Variants in CDH13 observed in about 807,000 individuals in gnomAD.
The protein encoded by CDH13 is cadherin-13.
In CDH13, 24 loss-of-function variants were observed where a neutral mutation model predicts 63.8. The ratio of observed to expected loss-of-function variants is 0.38; its 90% CI spans 0.27 to 0.53. The LOEUF (loss-of-function observed/expected upper bound fraction) is 0.53. Among genes scored for constraint, CDH13 ranks in the 20% least tolerant of loss-of-function variants. The pLI, the probability that CDH13 is intolerant of heterozygous loss-of-function variation, is 0.85. For synonymous variants in CDH13, 503 were observed against 355.3 expected (o/e 1.42, Z -4.67); for missense variants, 1,049 against 903.1 (o/e 1.16, Z -2.07).
At chr16:83,053,519 C>T (rs1194529724) in intron 3 of CDH13, among the ~76,000 whole-genome samples, 3 of 152,036 alleles carry the variant, frequency 2.0e-5, no homozygotes, top group African/African-American at 7.2e-5. Context: ...AATTGATAAA[C>T]ACACCAATTG....
At chr16:83,475,970 G>C (rs986074256) in intron 6 of CDH13, among the ~76,000 whole-genome samples, 6 of 152,118 alleles carry the variant, frequency 3.9e-5, no homozygotes, top group African/African-American at 1.4e-4. Context: ...CCATTGTTCA[G>C]AATTAACCCA....
At chr16:83,007,464 C>T (rs1204082872) in intron 2 of CDH13, among the ~76,000 whole-genome samples, 1 of 152,184 alleles carries the variant, frequency 6.6e-6, no homozygotes, top group African/African-American at 2.4e-5. Flanking sequence ...AGCTCTGATT[C>T]CAGAGTTCTT....
chr16:82,645,605 G>GGA (rs1242529145), intron 1 of CDH13, among the ~76,000 whole-genome samples: 3 of 152,076 alleles, frequency 2.0e-5, no homozygotes, highest in Non-Finnish European at 4.4e-5. Context: ...GTGCTGAGGT[G>GGA]GAAAACTCTG....
chr16:83,393,038 A>G (rs1268673222), intron 6 of CDH13, among the ~76,000 whole-genome samples: 2 of 152,140 alleles, frequency 1.3e-5, no homozygotes, highest in African/African-American at 2.4e-5. Flanking sequence ...TAGCCCTTTC[A>G]AGGGCCAGAG....
chr16:82,914,314 C>G (rs1036804632), intron 2 of CDH13, among the ~76,000 whole-genome samples: 1 of 152,154 alleles, frequency 6.6e-6, no homozygotes, highest in Non-Finnish European at 1.5e-5. Flanking sequence ...ACTATCATAA[C>G]CCGTATAGTC....
At chr16:83,460,429 T>A (rs1300254464) in intron 6 of CDH13, among the ~76,000 whole-genome samples, 1 of 152,142 alleles carries the variant, frequency 6.6e-6, no homozygotes, top group Non-Finnish European at 1.5e-5. Flanking sequence ...ACAAGAACAC[T>A]CCTAGAAGCA....
intron 6 of CDH13, among the ~76,000 whole-genome samples, chr16:83,372,750 A>T (rs12716735): frequency 1.7e-5 from 1 of 60,512 alleles, no homozygotes; most frequent in Non-Finnish European, 3.8e-5. Context: ...GACTCGGTCT[A>T]AAAAAAAAAA....
At chr16:83,121,801 G>T (rs562635304) in intron 3 of CDH13, among the ~76,000 whole-genome samples, 23 of 152,282 alleles carry the variant, frequency 1.5e-4, no homozygotes, top group African/African-American at 5.1e-4. Flanking sequence ...CATTCATAAA[G>T]CTCTCGATAA....
chr16:83,632,890 A>G (rs1381036747), intron 8 of CDH13, among the ~76,000 whole-genome samples: 1 of 151,644 alleles, frequency 6.6e-6, no homozygotes, highest in Admixed American at 6.6e-5. Context: ...TTTCCGGGAA[A>G]GGGGTGGGCA....
At chr16:83,501,810 C>G (rs573925792) in intron 7 of CDH13, among the ~76,000 whole-genome samples, 96 of 152,332 alleles carry the variant, frequency 6.3e-4, no homozygotes, top group African/African-American at 2.0e-3. Flanking sequence ...GTCTCAAGGA[C>G]AACTTTATCT....
chr16:83,202,412 G>A (rs1401080966), intron 4 of CDH13, among the ~76,000 whole-genome samples: 1 of 152,130 alleles, frequency 6.6e-6, no homozygotes, highest in Non-Finnish European at 1.5e-5. Flanking sequence ...AAATCAATGG[G>A]GTGGGGGGCC....
intron 6 of CDH13, among the ~76,000 whole-genome samples, 169 bp downstream of exon 6, chr16:83,345,175 T>C (rs1350630165): frequency 6.6e-6 from 1 of 152,204 alleles, no homozygotes; most frequent in Admixed American, 6.5e-5. Flanking sequence ...AGTGCAAAGC[T>C]TGACCGAGGT....
At chr16:83,025,190 T>C (rs1176330174) in intron 2 of CDH13, among the ~76,000 whole-genome samples, 1 of 152,248 alleles carries the variant, frequency 6.6e-6, no homozygotes. Flanking sequence ...TGCATTATCT[T>C]GTTTACACAT....
chr16:83,658,973 A>G (rs1598427045), intron 8 of CDH13, among the ~76,000 whole-genome samples: 1 of 142,088 alleles, frequency 7.0e-6, no homozygotes, highest in South Asian at 2.4e-4. Context: ...CCTCACCAGC[A>G]AGGTCCCATG....
chr16:83,777,486 C>T (rs527618781), intron 11 of CDH13, among the ~76,000 whole-genome samples: 11 of 152,224 alleles, frequency 7.2e-5, no homozygotes, highest in African/African-American at 1.7e-4. Flanking sequence ...CTGTGAGGTG[C>T]GGGGGCTTTC....
At chr16:82,667,481 G>C (rs1243197483) in intron 1 of CDH13, among the ~76,000 whole-genome samples, 2 of 152,198 alleles carry the variant, frequency 1.3e-5, no homozygotes, top group Non-Finnish European at 2.9e-5. Context: ...GCCATATGTT[G>C]GCTCAAGGGG....
At chr16:83,411,461 G>C (rs2092124752) in intron 6 of CDH13, among the ~76,000 whole-genome samples, 1 of 152,136 alleles carries the variant, frequency 6.6e-6, no homozygotes, top group African/African-American at 2.4e-5. Context: ...TGTCTCTCTT[G>C]TTCTCAGTGA....
At chr16:83,688,512 G>C (rs780439014) in intron 10 of CDH13, among the ~76,000 whole-genome samples, 31 of 152,206 alleles carry the variant, frequency 2.0e-4, no homozygotes, top group Non-Finnish European at 3.7e-4. Flanking sequence ...GGGAAATTAA[G>C]AGAAGGCCTT....
chr16:83,567,551 A>G (rs1490710412), intron 7 of CDH13, among the ~76,000 whole-genome samples: 2 of 152,200 alleles, frequency 1.3e-5, no homozygotes, highest in Non-Finnish European at 2.9e-5. Context: ...TTAAAAAGCA[A>G]GAAATTGTCT....
Sources: allele counts gnomAD v4.1 joint callset (sites outside exome capture counted in the v4.1 genomes callset), GRCh38; gene constraint gnomAD v4.1.1; transcripts MANE v1.5; gene names NCBI Gene and HGNC (gene_info 2026-07-23, HGNC 2026-07-21).